EDA: variants seen among roughly 807,000 people sequenced by gnomAD.
EDA encodes ectodysplasin A.
EDA carries 2 observed loss-of-function variants against 23.6 expected under a neutral mutation model. That is an observed-to-expected ratio of 0.08 (90% CI 0.03 to 0.27). EDA has a LOEUF of 0.27. Among genes scored for constraint, EDA ranks in the 10% least tolerant of loss-of-function variants. The probability of loss-of-function intolerance (pLI) is 1.00; values close to 1 mark genes in which losing one functional copy is unlikely to be tolerated. For synonymous variants in EDA, 131 were observed against 132.0 expected (o/e 0.99, Z 0.05); for missense variants, 229 against 324.2 (o/e 0.71, Z 2.26).
chrX:69,812,406 A>C lies in EDA; in HGVS notation c.397-144621A>C, dbSNP rs188576172. On this transcript the variant is annotated intron_variant, in intron 1 of 7. Coordinates refer to ENST00000374552, the MANE Select transcript of EDA (RefSeq NM_001399.5). ...ACAGAAGCTGAGACCTCTGGTCTGC[A>C]TCAGTGCACTTGTATTCTGTACCAC... 3.5e-4 allele frequency among the ~76,000 whole-genome samples: 40 copies of C among 112,913 alleles called. No homozygotes were observed. The East Asian group carries it at 0.011, about 31-fold the overall frequency.
At chrX:69,841,269 T>G (rs2016890165) in intron 1 of EDA, among the ~76,000 whole-genome samples, 1 of 112,145 alleles carries the variant, frequency 8.9e-6, no homozygotes, top group African/African-American at 3.2e-5. Context: ...AAGAGGAATT[T>G]CAAAATTCCT....
intron 1 of EDA, among the ~76,000 whole-genome samples, chrX:69,707,575 G>A (rs1208390026): frequency 1.8e-5 from 2 of 112,035 alleles, no homozygotes; most frequent in Middle Eastern, 4.7e-3. Context: ...CCTCGTAGAT[G>A]TTGTAGCTGT....
At chrX:69,836,919 C>T (rs927441784) in intron 1 of EDA, among the ~76,000 whole-genome samples, 2 of 112,443 alleles carry the variant, frequency 1.8e-5, no homozygotes, top group Admixed American at 1.9e-4. Flanking sequence ...TATTATGAGA[C>T]ACTAGTGTTT....
chrX:69,730,807 T>C (rs1387324448), intron 1 of EDA, among the ~76,000 whole-genome samples: 1 of 112,545 alleles, frequency 8.9e-6, no homozygotes, highest in African/African-American at 3.2e-5. Flanking sequence ...TTATCTTCAT[T>C]GCTTTATGTA....
rs1442330133 is a variant in EDA, at chrX:69,647,198, T to C, written c.396+30494T>C. 2.7e-5 allele frequency among the ~76,000 whole-genome samples: 3 copies of C among 111,394 alleles called. No individual in the cohort carries two copies. In the Admixed American group the frequency reaches 2.9e-4, roughly 11 times the overall value. On this transcript the variant is annotated intron_variant, in intron 1 of 7. Transcript: ENST00000374552. ...GGGTTGATCTTCTCATGGAGTATCTTACTGGGGTTCTCTGCATTTCCTGAA... is the reference window on the plus strand; with the variant it reads ...GGGTTGATCTTCTCATGGAGTATCTCACTGGGGTTCTCTGCATTTCCTGAA...
At chrX:69,878,259 C>T (rs2017678784) in intron 1 of EDA, among the ~76,000 whole-genome samples, 1 of 112,281 alleles carries the variant, frequency 8.9e-6, no homozygotes, top group African/African-American at 3.2e-5. Context: ...CATGAGAAGG[C>T]GGGGTCACCC....
chrX:69,673,863 A>C (rs1933990737), intron 1 of EDA, among the ~76,000 whole-genome samples: 1 of 111,437 alleles, frequency 9.0e-6, no homozygotes, highest in South Asian at 3.8e-4. Context: ...CTCAGAGTGG[A>C]TATATTAAAT....
Position 69,732,744 on chromosome X carries a change from C to T in EDA, c.396+116040C>T, listed in dbSNP as rs763248877. ...GTGTAAAAGTGTTCCTATTTCTCCA[C>T]ATCCTCTCCAGCACCTGTTGTTTCC... On this transcript the variant is annotated intron_variant, in intron 1 of 7. Transcript: ENST00000374552. Among the ~76,000 whole-genome samples, 276 of 112,061 alleles carry T rather than the reference C, an allele frequency of 2.5e-3. 4 individuals are homozygous for T. Among genetic ancestry groups the T allele is most frequent in the Admixed American group, 0.023 (241 of 10,584 alleles).
At position 69,903,872 on chromosome X, in the gene EDA, G is replaced by A. The variant is rs185859909; in HGVS notation, c.397-53155G>A. On this transcript the variant is annotated intron_variant, in intron 1 of 7. Coordinates refer to ENST00000374552, the MANE Select transcript of EDA (RefSeq NM_001399.5). ...GTTGCCCAGGCTGGAGTGCAGTGGC[G>A]TGATCTCAGGTCACTGCAACCTTTG... 7.4e-3 allele frequency among the ~76,000 whole-genome samples: 812 copies of A among 110,369 alleles called. 1 individual carries two copies. The highest frequency in any genetic ancestry group is 0.014 in the Middle Eastern group (3 of 213).
chrX:69,989,098 G>A (rs1055784947), intron 2 of EDA, among the ~76,000 whole-genome samples: 6 of 110,843 alleles, frequency 5.4e-5, no homozygotes, highest in African/African-American at 2.0e-4. Context: ...CATCAGTGAG[G>A]CTTAACAAGG....
At chrX:69,690,362 T>C (rs759845874) in intron 1 of EDA, among the ~76,000 whole-genome samples, 4 of 111,505 alleles carry the variant, frequency 3.6e-5, no homozygotes, top group Non-Finnish European at 7.5e-5. Context: ...AGAGAGGGTA[T>C]TGAATTTTGT....
intron 1 of EDA, among the ~76,000 whole-genome samples, chrX:69,906,188 G>A (rs922827871): frequency 1.9e-4 from 21 of 112,238 alleles, no homozygotes; most frequent in Middle Eastern, 4.6e-3. Context: ...ACCATCCTAC[G>A]TCATTTCTGA....
In EDA at chrX:69,667,318, T is replaced by A. The variant is rs769727699; in HGVS notation, c.396+50614T>A. ...TTAGTAGAGACAGGGTTTCACCATG[T>A]TAGCCAGGATGGTCTCGATCTCCTG... is the stretch of plus-strand genomic sequence containing the variant. On this transcript the variant is annotated intron_variant, in intron 1 of 7. Coordinates refer to ENST00000374552, the MANE Select transcript of EDA (RefSeq NM_001399.5). Among the ~76,000 whole-genome samples, 8 of 109,201 alleles carry A rather than the reference T, an allele frequency of 7.3e-5. No individual in the cohort carries two copies. In the East Asian group the frequency reaches 2.3e-3, roughly 32 times the overall value. The allele number at this position is 109,201 out of a possible 115,157, so 94.8% of individuals were successfully genotyped here.
intron 1 of EDA, among the ~76,000 whole-genome samples, chrX:69,707,755 G>A (rs905230538): frequency 2.7e-5 from 3 of 110,621 alleles, no homozygotes; most frequent in Non-Finnish European, 3.8e-5. Flanking sequence ...AGATTTTTTG[G>A]ATCCAGATGA....
intron 1 of EDA, among the ~76,000 whole-genome samples, chrX:69,788,851 C>G (rs1288000320): frequency 8.8e-5 from 10 of 113,251 alleles, no homozygotes; most frequent in Admixed American, 7.4e-4. Context: ...CTTTGTTTAC[C>G]TAAGCAAGCC....
intron 1 of EDA, among the ~76,000 whole-genome samples, chrX:69,823,837 C>T (rs2016320696): frequency 2.2e-5 from 2 of 91,430 alleles, no homozygotes; most frequent in African/African-American, 4.3e-5. Context: ...TTAGGTCTAA[C>T]ATTTAAGTCT....
intron 1 of EDA, among the ~76,000 whole-genome samples, chrX:69,778,454 G>A (rs952657735): frequency 9.0e-5 from 10 of 111,727 alleles, no homozygotes; most frequent in Non-Finnish European, 1.9e-4. Flanking sequence ...ATGCCAGAAC[G>A]TACTTGTTAA....
chrX:69,673,578 A>C (rs1208578250), intron 1 of EDA, among the ~76,000 whole-genome samples: 1 of 54,203 alleles, frequency 1.8e-5, no homozygotes, highest in Non-Finnish European at 2.8e-5. Flanking sequence ...AGGCAATTTT[A>C]CTGTATTCAA....
chrX:69,774,959 A>G (rs1486391853), intron 1 of EDA, among the ~76,000 whole-genome samples: 1 of 110,624 alleles, frequency 9.0e-6, no homozygotes, highest in African/African-American at 3.3e-5. Flanking sequence ...GCTGTCCCCA[A>G]CCTCCCACAT....
Sources: gnomAD v4.1 joint callset for allele counts (sites outside exome capture counted in the v4.1 genomes callset) on GRCh38, gnomAD v4.1.1 for gene constraint, MANE v1.5 for transcripts, NCBI Gene and HGNC (gene_info 2026-07-23, HGNC 2026-07-21) for gene names.